CFAP74: variants seen among roughly 807,000 people sequenced by gnomAD.
CFAP74 encodes the protein cilia- and flagella-associated protein 74.
Under a neutral mutation model 188.9 loss-of-function variants are expected in CFAP74, and 124 were observed. That is an observed-to-expected ratio of 0.66 (90% CI 0.57 to 0.76). CFAP74 has a LOEUF of 0.76. Ranked by LOEUF, CFAP74 falls within the 30% of genes least tolerant of loss-of-function variation. The pLI is 0.00. For synonymous variants in CFAP74, 956 were observed against 916.7 expected (o/e 1.04, Z -0.77); for missense variants, 2,198 against 2,165.2 (o/e 1.02, Z -0.30).
intron 25 of CFAP74, among the ~76,000 whole-genome samples, chr1:1,930,864 T>C (rs892941794): frequency 3.3e-5 from 5 of 152,338 alleles, no homozygotes; most frequent in East Asian, 1.9e-4. Flanking sequence ...CGAGGCCTAT[T>C]ATGAGCAAGT....
chr1:1,987,134 A>G, intron 4 of CFAP74, 99 bp from the exon 5 acceptor site: 1 of 945,598 alleles, frequency 1.1e-6, no homozygotes. Context: ...GCAGAGCCAG[A>G]CCCCCAGAGC....
rs1323415580 is a variant in CFAP74 at position 1,937,986 on chromosome 1, GCA to G, written c.3011+867_3011+868del. 3.3e-5 allele frequency among the ~76,000 whole-genome samples: 5 copies of G among 151,938 alleles called. No individual in the cohort carries two copies. In the East Asian group the frequency reaches 9.7e-4, roughly 29 times the overall value. ...TACACACATGCACTCACGCATGGTC[GCA>G]CACTCAAGCACTCACACATACAAGC... On this transcript the variant is annotated intron_variant, in intron 25 of 38. Coordinates refer to ENST00000682832, the MANE Select transcript of CFAP74 (RefSeq NM_001304360.2).
chr1:1,922,299 C>T lies in CFAP74; in HGVS notation c.4908G>A (p.Leu1636=), dbSNP rs763952634. The T allele has an allele frequency of 1.2e-6, 2 of 1,608,626 alleles. No homozygotes were observed. Among genetic ancestry groups the T allele is most frequent in the South Asian group, 1.1e-5 (1 of 90,532 alleles). Residue 1636 remains leucine (L), a synonymous_variant, in exon 39 of 39, where the codon TTG becomes TTA. Transcript: ENST00000682832. ...TYKVIFVAQV[L]TGP is the part of the protein sequence containing the mutation. ...TCTGTGCAGAGGCTTAGGGGCCAGT[C>T]AACACCTGGGCTACAAAGATGACCT...
intron 25 of CFAP74, among the ~76,000 whole-genome samples, chr1:1,937,316 A>G (rs1652968747): frequency 6.6e-6 from 1 of 152,242 alleles, no homozygotes; most frequent in Non-Finnish European, 1.5e-5. Context: ...CCCACAACAC[A>G]GAACAGAGGA....
chr1:1,923,467 G>A lies in CFAP74; in HGVS notation c.4422C>T (p.Ala1474=), dbSNP rs537300984. 5.2e-5 allele frequency: 84 copies of A among 1,611,884 alleles called. 1 individual carries two copies. In the East Asian group the frequency reaches 1.4e-3, roughly 27 times the overall value. The change falls in exon 36 of 39, where the codon GCC becomes GCT. Residue 1474 remains alanine, a synonymous_variant. Transcript: ENST00000682832. This position sits in a 1 kb window ranked among gnomAD's most constrained non-coding sequence, Gnocchi z 6.3. The stretch of plus-strand genomic sequence containing the variant: ...CCACGAACATCATGTGCTGACAGGC[G>A]GCACCCTTCAGCAGGATCTGGTGGG... ...KISHQILLKG[A]ACQHMMFVEG...
chr1:1,947,045 C>A lies in CFAP74; in HGVS notation c.2186G>T (p.Arg729Ile). Residue 729 changes from arginine to isoleucine, a missense_variant, in exon 19 of 39, where the codon AGA becomes ATA. Transcript: ENST00000682832. Reference sequence around the variant, plus strand: ...GCTGGGAGGTATCACTGTGGTTAATCTCTCTGGTTCTGGAAGAGAAGGGGG... The same window carrying A: ...GCTGGGAGGTATCACTGTGGTTAATATCTCTGGTTCTGGAAGAGAAGGGGG... Reference protein sequence around the residue: ...QEEEQPAEPERLTTVIPPSEE... With the variant: ...QEEEQPAEPEILTTVIPPSEE... The A allele has an allele frequency of 6.5e-7, 1 of 1,535,926 alleles. No individual in the cohort carries two copies. Among genetic ancestry groups the A allele is most frequent in the Non-Finnish European group, 8.7e-7 (1 of 1,146,696 alleles).
chr1:1,963,675 C>T (rs1655257068), intron 14 of CFAP74, 74 bp downstream of exon 14: 1 of 940,086 alleles, frequency 1.1e-6, no homozygotes, highest in African/African-American at 1.6e-5. Context: ...TCCAGCCGTT[C>T]TGAACATGAA....
Position 1,968,424 on chromosome 1 carries a change from G to A in CFAP74, c.1245+211C>T, listed in dbSNP as rs1325530546. 6.6e-6 allele frequency among the ~76,000 whole-genome samples: 1 copy of A among 151,840 alleles called. No homozygotes were observed. Among genetic ancestry groups the A allele is most frequent in the Admixed American group, 6.6e-5 (1 of 15,266 alleles). ...CTGGACCCTTGCTGGGGATGCTGCG[G>A]CCATGGGCCTCTCTCATGTGGTGGG... is the stretch of plus-strand genomic sequence containing the variant. On this transcript the variant is annotated intron_variant, in intron 11 of 38. Coordinates refer to ENST00000682832, the MANE Select transcript of CFAP74 (RefSeq NM_001304360.2). The surrounding 1 kb of genome is among the most constrained non-coding windows in gnomAD (Gnocchi z 4.3).
At chr1:1,941,979 C>T (rs1309673653) in intron 22 of CFAP74, 49 bp downstream of exon 22, 2 of 1,430,206 alleles carry the variant, frequency 1.4e-6, no homozygotes, top group Non-Finnish European at 9.1e-7. Context: ...CCTCGGAGCC[C>T]ACAACCTCCC....
chr1:1,964,490 G>A lies in CFAP74; in HGVS notation c.1575+398C>T, dbSNP rs538914591. Among the ~76,000 whole-genome samples the A allele has an allele frequency of 1.9e-4, 29 of 152,334 alleles. No homozygotes were observed. The South Asian group carries it at 3.9e-3, about 21-fold the overall frequency. ...TGAGGAAGCCCCCGGGTTTTCCAGC[G>A]TTAAAAAGCGAAAGGCAGGCCAGGC... is the stretch of plus-strand genomic sequence containing the variant. On this transcript the variant is annotated intron_variant, in intron 13 of 38. Transcript: ENST00000682832.
At chr1:1,953,126 G>A (rs1654303633) in intron 18 of CFAP74, among the ~76,000 whole-genome samples, 1 of 151,650 alleles carries the variant, frequency 6.6e-6, no homozygotes, top group South Asian at 2.1e-4. Flanking sequence ...AAATATTGTG[G>A]AAAAAAAAGA....
In CFAP74 at chr1:1,946,376, C is replaced by T. The variant is rs558739824; in HGVS notation, c.2305G>A (p.Val769Ile). ...AACCTGGCTTGGACGTCGCCTGGGA[C>T]GACCGGAGTGAAGACGATGGGCACC... ...IKVPIVFTPV[V>I]PGDVQARFKV... The change falls in exon 20 of 39, where the codon GTC becomes ATC. Residue 769 changes from valine to isoleucine, a missense_variant. By Grantham distance (29) the Val-to-Ile change is conservative. Transcript: ENST00000682832. 59 of 1,536,936 alleles carry T rather than the reference C, an allele frequency of 3.8e-5. No individual in the cohort carries two copies. The highest frequency in any genetic ancestry group is 1.7e-4 in the Middle Eastern group (1 of 5,988).
intron 12 of CFAP74, 109 bp from the exon 13 acceptor site, chr1:1,965,170 C>T: frequency 1.8e-6 from 2 of 1,098,620 alleles, no homozygotes; most frequent in Admixed American, 2.8e-5. Context: ...ACAGCCCAGC[C>T]CCACCGGCTG....
intron 16 of CFAP74, among the ~76,000 whole-genome samples, chr1:1,957,884 G>C (rs1274453135): frequency 6.7e-6 from 1 of 149,992 alleles, no homozygotes; most frequent in Non-Finnish European, 1.5e-5. Context: ...CCGCTCTGAG[G>C]AGAAGGCGGC....
Position 1,968,897 on chromosome 1 carries a change from G to C in CFAP74, c.1047-64C>G. On this transcript the variant is annotated intron_variant, in intron 10 of 38. Coordinates refer to ENST00000682832, the MANE Select transcript of CFAP74 (RefSeq NM_001304360.2). This position sits in a 1 kb window ranked among gnomAD's most constrained non-coding sequence, Gnocchi z 4.3. ...CCTGCCTCCACCTTGCCCCAGATGA[G>C]ACAGTGCCCGGCGGCCCCTCCCTAG... 3 of 1,519,092 alleles carry C rather than the reference G, an allele frequency of 2.0e-6. No homozygotes were observed. The highest frequency in any genetic ancestry group is 2.7e-6 in the Non-Finnish European group (3 of 1,106,550). The allele number at this position is 1,519,092 out of a possible 1,614,324, so 94.1% of individuals were successfully genotyped here.
chr1:1,965,007 C>A lies in CFAP74; in HGVS notation c.1456G>T (p.Asp486Tyr). The A allele has an allele frequency of 6.2e-7, 1 of 1,613,904 alleles. No individual in the cohort carries two copies. The highest frequency in any genetic ancestry group is 8.5e-7 in the Non-Finnish European group (1 of 1,179,910). The part of the protein sequence containing the change: ...KPVGGTKMDK[D>Y]ILERTVERLR... ...CGCTCCACCGTGCGCTCCAGGATGT[C>A]CTTGTCCATCTTTGTCCCGCCCACG... Residue 486 changes from aspartate (D) to tyrosine (Y), a missense_variant, in exon 13 of 39, where the codon GAC (aspartate) becomes TAC (tyrosine). Coordinates refer to ENST00000682832, the MANE Select transcript of CFAP74 (RefSeq NM_001304360.2).
At position 1,974,021 on chromosome 1, in the gene CFAP74, C is replaced by T; in HGVS notation, c.674+4G>A. On this transcript the variant is annotated splice_donor_region_variant and intron_variant, in intron 7 of 38. Coordinates refer to ENST00000682832, the MANE Select transcript of CFAP74 (RefSeq NM_001304360.2). ...GGATGGAGGTGGGCCTGGGTGTCGCCTACCTGATCCTCAGCAGTCGGTTCC... is the reference window on the plus strand; with the variant it reads ...GGATGGAGGTGGGCCTGGGTGTCGCTTACCTGATCCTCAGCAGTCGGTTCC... The T allele has an allele frequency of 6.4e-7, 1 of 1,557,836 alleles. No homozygotes were observed. The highest frequency in any genetic ancestry group is 8.7e-7 in the Non-Finnish European group (1 of 1,146,518).
rs1165498891 is a variant in CFAP74 at position 1,926,726 on chromosome 1, G to A, written c.3698C>T (p.Pro1233Leu). 7.1e-6 allele frequency: 11 copies of A among 1,549,968 alleles called. 1 individual carries two copies. The highest frequency in any genetic ancestry group is 3.3e-4 in the Middle Eastern group (2 of 6,010). ...CACCACAACAGATGGTGCCACCGTC[G>A]GGCACCACAGCTCCAGGTACAGGGT... ...HNTLYLELWC[P>L]TVAPSVVVTS... The change falls in exon 30 of 39, where the codon CCG (proline) becomes CTG (leucine). Residue 1233 changes from proline (P) to leucine (L), a missense_variant. Coordinates refer to ENST00000682832, the MANE Select transcript of CFAP74 (RefSeq NM_001304360.2).
rs374626550 is a variant in CFAP74 at position 1,990,923 on chromosome 1, C to G, written c.34G>C (p.Glu12Gln). Residue 12 changes from glutamate (E) to glutamine (Q), a missense_variant, in exon 2 of 39, where the codon GAG becomes CAG. By Grantham distance (29) the Glu-to-Gln change is conservative (BLOSUM62 2). Coordinates refer to ENST00000682832, the MANE Select transcript of CFAP74 (RefSeq NM_001304360.2). The part of the protein sequence containing the change: ...EDDGSLLPED[E>Q]LLADALLLED... Reference sequence around the variant, plus strand: ...AAAAGAAGGGCATCGGCCAAAAGCTCGTCCTCAGGGAGCAGGCTGCCGTCA... The same window carrying G: ...AAAAGAAGGGCATCGGCCAAAAGCTGGTCCTCAGGGAGCAGGCTGCCGTCA... 8 of 1,612,950 alleles carry G rather than the reference C, an allele frequency of 5.0e-6. No individual in the cohort carries two copies. In the Admixed American group the frequency reaches 1.2e-4, roughly 24 times the overall value.
Sources: allele counts gnomAD v4.1 joint callset (sites outside exome capture counted in the v4.1 genomes callset), GRCh38; gene constraint gnomAD v4.1.1; non-coding constraint Gnocchi (gnomAD v3.1); transcripts MANE v1.5; gene names NCBI Gene and HGNC (gene_info 2026-07-23, HGNC 2026-07-21).